IL1RAPL1: variants seen among roughly 807,000 people sequenced by gnomAD.
The protein encoded by IL1RAPL1 is interleukin 1 receptor accessory protein like 1.
IL1RAPL1 carries 3 observed loss-of-function variants against 48.4 expected under a neutral mutation model. That is an observed-to-expected ratio of 0.06 (90% CI 0.03 to 0.16). The LOEUF is 0.16. Among genes scored for constraint, IL1RAPL1 ranks in the 10% least tolerant of loss-of-function variants. The pLI is 1.00. For missense variants in IL1RAPL1, 349 were observed against 530.6 expected, an observed-to-expected ratio of 0.66 and a Z score of 3.36; for synonymous variants, 185 against 187.7, an observed-to-expected ratio of 0.99 and a Z score of 0.12.
intron 6 of IL1RAPL1, among the ~76,000 whole-genome samples, chrX:29,715,160 T>G (rs759300318): frequency 4.0e-4 from 45 of 111,773 alleles, no homozygotes; most frequent in Non-Finnish European, 7.5e-4. Context: ...CAAGCACGCC[T>G]ATTTTTCCAG....
At chrX:29,682,452 C>T (rs1440599902) in intron 6 of IL1RAPL1, among the ~76,000 whole-genome samples, 2 of 111,314 alleles carry the variant, frequency 1.8e-5, no homozygotes, top group South Asian at 3.8e-4. Flanking sequence ...TTAAGACCAA[C>T]CTCAATGTCA....
At chrX:29,732,384 C>T (rs1392028357) in intron 6 of IL1RAPL1, among the ~76,000 whole-genome samples, 1 of 111,752 alleles carries the variant, frequency 8.9e-6, no homozygotes, top group Non-Finnish European at 1.9e-5. Flanking sequence ...CATTTTCAGT[C>T]CTTATCTCAA....
At chrX:29,780,120 G>A (rs1929302112) in intron 6 of IL1RAPL1, among the ~76,000 whole-genome samples, 1 of 111,464 alleles carries the variant, frequency 9.0e-6, no homozygotes, top group Non-Finnish European at 1.9e-5. Flanking sequence ...CCAATGTCAA[G>A]TAAGCTCAAC....
At chrX:28,672,244 G>A (rs768259384) in intron 1 of IL1RAPL1, among the ~76,000 whole-genome samples, 120 of 111,629 alleles carry the variant, frequency 1.1e-3, no homozygotes, top group African/African-American at 3.7e-3. Flanking sequence ...AATAAAATTA[G>A]GGTTTTTTAT....
intron 2 of IL1RAPL1, among the ~76,000 whole-genome samples, chrX:29,235,157 G>C (rs142370424): frequency 8.9e-6 from 1 of 112,011 alleles, no homozygotes; most frequent in Non-Finnish European, 1.9e-5. Flanking sequence ...GTATTGAGTC[G>C]ATCCCTGCAT....
intron 5 of IL1RAPL1, among the ~76,000 whole-genome samples, chrX:29,592,280 G>A (rs1373736704): frequency 9.0e-6 from 1 of 111,505 alleles, no homozygotes; most frequent in Non-Finnish European, 1.9e-5. Flanking sequence ...CTGTGAATGA[G>A]ATTGATAATT....
rs1933397459 is a variant in IL1RAPL1 at position 29,955,292 on chromosome X, C to T, written c.1563C>T (p.Tyr521=). Reference sequence around the variant, plus strand: ...GTGAACTGAGAGGAATTATGAACTACCAGGAGGTGGAGGCCCTGAAGCACA... The same window carrying T: ...GTGAACTGAGAGGAATTATGAACTATCAGGAGGTGGAGGCCCTGAAGCACA... ...ECSELRGIMN[Y]QEVEALKHTI... Residue 521 remains tyrosine (Y), a synonymous_variant, in exon 11 of 11, where the codon TAC becomes TAT. Coordinates refer to ENST00000378993, the MANE Select transcript of IL1RAPL1 (RefSeq NM_014271.4). 1.7e-6 allele frequency: 2 copies of T among 1,209,282 alleles called. No homozygotes were observed. Among genetic ancestry groups the T allele is most frequent in the African/African-American group, 3.5e-5 (2 of 56,992 alleles).
chrX:29,106,476 A>G (rs776039968), intron 2 of IL1RAPL1, among the ~76,000 whole-genome samples: 1 of 112,034 alleles, frequency 8.9e-6, no homozygotes, highest in South Asian at 3.7e-4. Flanking sequence ...CTGGAAAAAT[A>G]TTTGGAATAA....
chrX:29,747,313 A>G (rs1490070299), intron 6 of IL1RAPL1, among the ~76,000 whole-genome samples: 2 of 112,576 alleles, frequency 1.8e-5, no homozygotes, highest in Non-Finnish European at 1.9e-5. Flanking sequence ...TATGATAAAT[A>G]TGTTGCTATG....
chrX:29,338,200 G>A (rs1933024034), intron 3 of IL1RAPL1, among the ~76,000 whole-genome samples: 1 of 110,553 alleles, frequency 9.0e-6, no homozygotes, highest in South Asian at 3.8e-4. Flanking sequence ...GTGTGTGAGA[G>A]GCATATAAAT....
chrX:28,935,280 A>G lies in IL1RAPL1; in HGVS notation c.82+145855A>G, dbSNP rs764616355. Among the ~76,000 whole-genome samples the G allele has an allele frequency of 2.7e-5, 3 of 111,473 alleles. No individual in the cohort carries two copies. The East Asian group carries it at 8.4e-4, about 31-fold the overall frequency. On this transcript the variant is annotated intron_variant, in intron 2 of 10. Coordinates refer to ENST00000378993, the MANE Select transcript of IL1RAPL1 (RefSeq NM_014271.4). ...TTACATTTAGTTAATCGATCGATTT[A>G]CAATTAAATTTTTACAAAGCGTAAG...
At chrX:29,898,130 A>C (rs1932423463) in intron 6 of IL1RAPL1, among the ~76,000 whole-genome samples, 1 of 112,253 alleles carries the variant, frequency 8.9e-6, no homozygotes, top group African/African-American at 3.2e-5. Context: ...CAGATGAGAA[A>C]GTCAGGAAGC....
At chrX:29,263,046 T>C (rs1371358313) in intron 2 of IL1RAPL1, among the ~76,000 whole-genome samples, 1 of 111,838 alleles carries the variant, frequency 8.9e-6, no homozygotes, top group Non-Finnish European at 1.9e-5. Flanking sequence ...TACCAGATGC[T>C]CGAAAGCATT....
At chrX:28,704,538 G>T (rs1195304346) in intron 1 of IL1RAPL1, among the ~76,000 whole-genome samples, 1 of 106,602 alleles carries the variant, frequency 9.4e-6, no homozygotes, top group East Asian at 3.0e-4. Context: ...CCAACATAAA[G>T]GTCACTTCTC....
rs1366399818 is a variant in IL1RAPL1 at position 29,741,397 on chromosome X, G to A, written c.778+72893G>A. Among the ~76,000 whole-genome samples the A allele has an allele frequency of 5.4e-5, 6 of 111,824 alleles. No homozygotes were observed. In the Admixed American group the frequency reaches 5.7e-4, roughly 11 times the overall value. On this transcript the variant is annotated intron_variant, in intron 6 of 10. Transcript: ENST00000378993. ...CACAGCTGTGGCATATCTGTGGAACGGATAAGGGTGGCATATTTTGGCACT... is the reference window on the plus strand; with the variant it reads ...CACAGCTGTGGCATATCTGTGGAACAGATAAGGGTGGCATATTTTGGCACT...
At chrX:29,795,480 G>A (rs967324075) in intron 6 of IL1RAPL1, among the ~76,000 whole-genome samples, 2 of 111,985 alleles carry the variant, frequency 1.8e-5, no homozygotes, top group African/African-American at 6.5e-5. Flanking sequence ...GCACAATCTC[G>A]GCTCACTGTA....
At chrX:29,498,309 G>A (rs1935235562) in intron 5 of IL1RAPL1, among the ~76,000 whole-genome samples, 1 of 111,115 alleles carries the variant, frequency 9.0e-6, no homozygotes, top group Non-Finnish European at 1.9e-5. Context: ...GTGTGAAGGA[G>A]GATGGAAATG....
At chrX:29,322,223 GTCTT>G (rs999776462) in intron 3 of IL1RAPL1, among the ~76,000 whole-genome samples, 2 of 103,014 alleles carry the variant, frequency 1.9e-5, no homozygotes, top group Non-Finnish European at 4.0e-5. Context: ...CTTTCTTTCT[GTCTT>G]TCTTTCTGTC....
chrX:29,952,640 G>C (rs1007217422), intron 9 of IL1RAPL1, among the ~76,000 whole-genome samples: 4 of 111,108 alleles, frequency 3.6e-5, no homozygotes, highest in African/African-American at 1.3e-4. Context: ...TACAATTATA[G>C]ATTGTACTGG....
Sources: gnomAD v4.1 joint callset for allele counts (sites outside exome capture counted in the v4.1 genomes callset) on GRCh38, gnomAD v4.1.1 for gene constraint, MANE v1.5 for transcripts, NCBI Gene and HGNC (gene_info 2026-07-23, HGNC 2026-07-21) for gene names.